Variants in CDC27 observed in about 807,000 individuals in gnomAD.
CDC27 encodes cell division cycle 27.
CDC27 carries 27 observed loss-of-function variants against 109.7 expected under a neutral mutation model. The ratio of observed to expected loss-of-function variants is 0.25; its 90% CI spans 0.18 to 0.34. The LOEUF (loss-of-function observed/expected upper bound fraction) is 0.34. Among genes scored for constraint, CDC27 ranks in the 10% least tolerant of loss-of-function variants. The pLI is 1.00. For missense variants in CDC27, 579 were observed against 960.2 expected, an observed-to-expected ratio of 0.60 and a Z score of 5.25; for synonymous variants, 266 against 333.9, an observed-to-expected ratio of 0.80 and a Z score of 2.22.
intron 9 of CDC27, among the ~76,000 whole-genome samples, chr17:47,151,551 A>C (rs1260760235): frequency 1.3e-5 from 2 of 152,220 alleles, no homozygotes; most frequent in Non-Finnish European, 2.9e-5. Context: ...CATGTGCATA[A>C]GAAGAAAATT....
At chr17:47,188,398 T>G (rs545731480) in intron 1 of CDC27, among the ~76,000 whole-genome samples, 4 of 152,228 alleles carry the variant, frequency 2.6e-5, no homozygotes, top group South Asian at 2.1e-4. Flanking sequence ...CATACCCTGG[T>G]GTAAAGGCAG....
At chr17:47,129,302 T>C in intron 16 of CDC27, 91 bp downstream of exon 16, 1 of 1,033,348 alleles carries the variant, frequency 9.7e-7, no homozygotes, top group Non-Finnish European at 1.4e-6. Flanking sequence ...CAGATCAAAA[T>C]TAAATAAATA....
intron 4 of CDC27, among the ~76,000 whole-genome samples, chr17:47,165,891 A>AT (rs1030116976): frequency 1.3e-5 from 2 of 152,190 alleles, no homozygotes; most frequent in African/African-American, 4.8e-5. Flanking sequence ...TGGCACCATT[A>AT]TTTGCTAAAA....
chr17:47,139,441 T>A (rs974255043), intron 12 of CDC27, among the ~76,000 whole-genome samples: 1 of 151,188 alleles, frequency 6.6e-6, no homozygotes, highest in Non-Finnish European at 1.5e-5. Flanking sequence ...TAATTTTTTG[T>A]ATTTTTTAGT....
At chr17:47,180,945 T>TCAAAAAAAAAAAA (rs1555560988) in intron 2 of CDC27, among the ~76,000 whole-genome samples, 2 of 111,668 alleles carry the variant, frequency 1.8e-5, no homozygotes, top group Non-Finnish European at 3.6e-5. Context: ...ACTCTTTTCT[T>TCAAAAAAAAAAAA]AAAAAAAAAA....
Position 47,189,285 on chromosome 17 carries a change from G to T in CDC27, c.-113C>A. The stretch of plus-strand genomic sequence containing the variant: ...CCAGCGACCGTTACCGGGGGATGGG[G>T]GAGGCCGAGCGATTGCCGAGTGCTT... On this transcript the variant is annotated 5_prime_UTR_variant, in exon 1 of 19. Transcript: ENST00000066544. The T allele has an allele frequency of 1.2e-6, 1 of 834,390 alleles. No homozygotes were observed. Among genetic ancestry groups the T allele is most frequent in the Non-Finnish European group, 2.0e-6 (1 of 492,866 alleles). 51.7% of individuals were successfully genotyped at this position (834,390 alleles called of 1,614,324 possible). A position where few individuals can be genotyped will look rare whatever the true frequency, so the allele number is the denominator to read the frequency against.
chr17:47,183,399 T>A (rs542797985), intron 1 of CDC27, among the ~76,000 whole-genome samples: 195 of 152,342 alleles, frequency 1.3e-3, no homozygotes, highest in African/African-American at 4.5e-3. Flanking sequence ...AATGAGTATA[T>A]TAATTATAAT....
chr17:47,137,452 C>A, intron 13 of CDC27, 92 bp from the exon 14 acceptor site: 1 of 645,062 alleles, frequency 1.6e-6, no homozygotes, highest in Non-Finnish European at 2.4e-6. Context: ...CAACTTAGAA[C>A]AGAAAGACAA....
Position 47,122,553 on chromosome 17 carries a change from A to G in CDC27, c.2283T>C (p.Ser761=), listed in dbSNP as rs760702321. Residue 761 remains serine, a synonymous_variant, in exon 18 of 19, where the codon TCT becomes TCC. Transcript: ENST00000066544. ...GQTHLALMNF[S]WAMDLDPKGA... is the part of the protein sequence containing the mutation. ...CTTTAGGATCTAAATCCATAGCCCA[A>G]GAGAAATTCATCAGGGCGAGGTGCG... is the stretch of plus-strand genomic sequence containing the variant. 13 of 1,610,972 alleles carry G rather than the reference A, an allele frequency of 8.1e-6. No individual in the cohort carries two copies. The highest frequency in any genetic ancestry group is 1.1e-5 in the Non-Finnish European group (13 of 1,177,896).
chr17:47,158,909 C>T (rs906067609), intron 4 of CDC27, among the ~76,000 whole-genome samples: 2 of 152,060 alleles, frequency 1.3e-5, no homozygotes, highest in Non-Finnish European at 2.9e-5. Context: ...TGTGAGCCAC[C>T]GCACCTGGCC....
chr17:47,168,375 C>T (rs556477578), intron 4 of CDC27, among the ~76,000 whole-genome samples: 1 of 152,266 alleles, frequency 6.6e-6, no homozygotes, highest in East Asian at 1.9e-4. Context: ...TTTGGAGTTT[C>T]TAAGTGTATA....
intron 2 of CDC27, among the ~76,000 whole-genome samples, chr17:47,177,249 T>A (rs1181424287): frequency 6.6e-6 from 1 of 151,968 alleles, no homozygotes; most frequent in Non-Finnish European, 1.5e-5. Context: ...AGGGAGATCT[T>A]GACTTAAAAA....
In CDC27 at chr17:47,157,061, C is replaced by T. The variant is rs1410500385; in HGVS notation, c.694G>A (p.Val232Met). 2 of 1,596,304 alleles carry T rather than the reference C, an allele frequency of 1.3e-6. No individual in the cohort carries two copies. Among genetic ancestry groups the T allele is most frequent in the Non-Finnish European group, 1.7e-6 (2 of 1,168,666 alleles). ...ATTACAGCTGAATCAATATAAGACA[C>T]TGAGGAATCTGTATTCAAGGAGTAC... ...SKYSLNTDSS[V>M]SYIDSAVISP... Residue 232 changes from valine to methionine, a missense_variant, in exon 7 of 19, where the codon GTG becomes ATG. Val to Met is a conservative substitution (Grantham distance 21, BLOSUM62 1). This residue lies in a region of CDC27 where 74 missense variants were observed against 148.9 expected (regional missense o/e 0.50). Coordinates refer to ENST00000066544, the MANE Select transcript of CDC27 (RefSeq NM_001256.6).
intron 12 of CDC27, chr17:47,139,824 A>C (rs1445855748): frequency 6.6e-6 from 1 of 152,106 alleles, no homozygotes; most frequent in East Asian, 1.9e-4. Flanking sequence ...GTCTCTCCTC[A>C]GCTGCCTCAT....
intron 5 of CDC27, 108 bp from the exon 6 acceptor site, chr17:47,157,492 T>G: frequency 1.4e-6 from 1 of 739,462 alleles, no homozygotes; most frequent in East Asian, 2.7e-5. Context: ...ATCCAAACTT[T>G]AAAAATCTCC....
intron 4 of CDC27, among the ~76,000 whole-genome samples, chr17:47,160,188 AATCTGGGGATT>A (rs1205921982): frequency 6.6e-6 from 1 of 151,724 alleles, no homozygotes; most frequent in Admixed American, 6.6e-5. Context: ...TACTTGGAAA[AATCTGGGGATT>A]ATCAGAACAG....
intron 2 of CDC27, among the ~76,000 whole-genome samples, chr17:47,176,859 C>G (rs2064033215): frequency 6.6e-6 from 1 of 152,134 alleles, no homozygotes; most frequent in African/African-American, 2.4e-5. Flanking sequence ...TATTCCACAT[C>G]TTTAGTAGAA....
intron 14 of CDC27, among the ~76,000 whole-genome samples, chr17:47,136,218 C>T (rs186347643): frequency 6.6e-6 from 1 of 152,210 alleles, no homozygotes; most frequent in African/African-American, 2.4e-5. Flanking sequence ...GAAGAGACAG[C>T]AGCATTGGCA....
intron 4 of CDC27, among the ~76,000 whole-genome samples, chr17:47,159,003 C>T (rs923002329): frequency 2.6e-5 from 4 of 152,200 alleles, no homozygotes; most frequent in African/African-American, 9.7e-5. Context: ...CTGCCCACCA[C>T]AGCCTCCCAA....
Sources: gnomAD v4.1 joint callset for allele counts (sites outside exome capture counted in the v4.1 genomes callset) on GRCh38, gnomAD v4.1.1 for gene constraint, gnomAD v4.1.1 regional missense constraint, MANE v1.5 for transcripts, NCBI Gene and HGNC (gene_info 2026-07-23, HGNC 2026-07-21) for gene names.